PDZRN4: variants seen among roughly 807,000 people sequenced by gnomAD.
PDZRN4 encodes the protein PDZ domain containing ring finger 4.
PDZRN4 carries 70 observed loss-of-function variants against 99.0 expected under a neutral mutation model. The observed-to-expected ratio is 0.71, with a 90% CI of 0.58 to 0.86. The LOEUF is 0.86. Among genes scored for constraint, PDZRN4 ranks in the 40% least tolerant of loss-of-function variants. The pLI is 0.00. For synonymous variants in PDZRN4, 551 were observed against 501.6 expected, an observed-to-expected ratio of 1.10 and a Z score of -1.32; for missense variants, 1,474 against 1,331.2, an observed-to-expected ratio of 1.11 and a Z score of -1.67.
intron 3 of PDZRN4, among the ~76,000 whole-genome samples, chr12:41,470,666 A>G (rs12316362): frequency 0.01 from 1,537 of 152,066 alleles, 27 homozygotes; most frequent in African/African-American, 0.035. Context: ...GCCACCCCAC[A>G]ACCGTCCCCG....
chr12:41,199,170 G>A (rs1428573288), intron 3 of PDZRN4, among the ~76,000 whole-genome samples: 1 of 152,126 alleles, frequency 6.6e-6, no homozygotes, highest in Non-Finnish European at 1.5e-5. Flanking sequence ...ATTTTTTGAT[G>A]CATAAGAAGC....
chr12:41,340,639 C>A (rs983614859), intron 3 of PDZRN4, among the ~76,000 whole-genome samples: 9 of 151,542 alleles, frequency 5.9e-5, no homozygotes, highest in Non-Finnish European at 1.2e-4. Flanking sequence ...AAGGATACCC[C>A]CTTTACCCTG....
chr12:41,411,920 G>C (rs1027979560), intron 3 of PDZRN4: 2 of 152,184 alleles, frequency 1.3e-5, no homozygotes, highest in Admixed American at 6.6e-5. Flanking sequence ...AAAGGTTAGA[G>C]AAGAGGGCCA....
At chr12:41,540,863 C>CGTTGTT (rs747322893) in intron 5 of PDZRN4, among the ~76,000 whole-genome samples, 14 of 115,754 alleles carry the variant, frequency 1.2e-4, no homozygotes, top group African/African-American at 3.5e-4. Context: ...CCCTTTTCTT[C>CGTTGTT]GTTGTTGTTG....
intron 3 of PDZRN4, among the ~76,000 whole-genome samples, chr12:41,419,444 A>G (rs912927731): frequency 6.6e-6 from 1 of 152,174 alleles, no homozygotes; most frequent in Non-Finnish European, 1.5e-5. Flanking sequence ...ACACTAGCCA[A>G]TCTTGGGAGA....
At chr12:41,290,683 A>G (rs1394582222) in intron 3 of PDZRN4, among the ~76,000 whole-genome samples, 8 of 152,126 alleles carry the variant, frequency 5.3e-5, no homozygotes, top group Admixed American at 5.2e-4. Context: ...ACCATGACTA[A>G]ATCTATGAGG....
intron 3 of PDZRN4, among the ~76,000 whole-genome samples, chr12:41,300,770 A>G (rs1308853319): frequency 6.6e-6 from 1 of 151,976 alleles, no homozygotes; most frequent in Non-Finnish European, 1.5e-5. Flanking sequence ...TAGTTTTACA[A>G]TATAACTTTG....
chr12:41,438,027 C>A, intron 3 of PDZRN4: 1 of 1,613,048 alleles, frequency 6.2e-7, no homozygotes, highest in East Asian at 2.2e-5. Flanking sequence ...AGTGCAGGGT[C>A]TGATACCAGC....
intron 3 of PDZRN4, among the ~76,000 whole-genome samples, chr12:41,203,111 T>C (rs76735602): frequency 1.7e-3 from 258 of 152,016 alleles, no homozygotes; most frequent in African/African-American, 5.9e-3. Context: ...CATATTTAAA[T>C]GATAATAGGC....
rs79144247 is a variant in PDZRN4 at position 41,502,522 on chromosome 12, A to G, written c.844-3934A>G. 6.4e-3 allele frequency among the ~76,000 whole-genome samples: 975 copies of G among 152,162 alleles called. 41 individuals are homozygous for G. In the East Asian group the frequency reaches 0.12, roughly 19 times the overall value. On this transcript the variant is annotated intron_variant, in intron 3 of 9. Transcript: ENST00000402685. The stretch of plus-strand genomic sequence containing the variant: ...AAGTTACCTTGCACCCTCTTCCCTC[A>G]GTTTTGCTCCTAACCATATTCATAT...
intron 3 of PDZRN4, among the ~76,000 whole-genome samples, chr12:41,440,988 CTGAG>C (rs1307617897): frequency 1.3e-5 from 2 of 152,186 alleles, no homozygotes; most frequent in East Asian, 1.9e-4. Context: ...AGATTTATTT[CTGAG>C]TAAGATTATA....
chr12:41,531,016 G>A (rs1416635673), intron 5 of PDZRN4, among the ~76,000 whole-genome samples: 1 of 151,990 alleles, frequency 6.6e-6, no homozygotes, highest in African/African-American at 2.4e-5. Flanking sequence ...AGCTCCTGAA[G>A]CCCCAGTGGG....
At chr12:41,537,892 G>A (rs1162727777) in intron 5 of PDZRN4, among the ~76,000 whole-genome samples, 2 of 152,098 alleles carry the variant, frequency 1.3e-5, no homozygotes, top group Non-Finnish European at 2.9e-5. Context: ...AGACCAACCC[G>A]CTCATGTGGA....
At chr12:41,540,537 A>T (rs1377438148) in intron 5 of PDZRN4, among the ~76,000 whole-genome samples, 1 of 152,230 alleles carries the variant, frequency 6.6e-6, no homozygotes, top group African/African-American at 2.4e-5. Context: ...TCTACCTATG[A>T]AGAAAACAGT....
rs576488689 is a variant in PDZRN4, at chr12:41,533,057, T to C, written c.1204-19599T>C. Among the ~76,000 whole-genome samples, 456 of 152,330 alleles carry C rather than the reference T, an allele frequency of 3.0e-3. 1 individual carries two copies. Among genetic ancestry groups the C allele is most frequent in the South Asian group, 3.9e-3 (19 of 4,828 alleles). ...GATCTATCAATTACCATTATGTTAA[T>C]AGATTTGTCAAAGTCTACTTCTAAT... On this transcript the variant is annotated intron_variant, in intron 5 of 9. Transcript: ENST00000402685.
intron 5 of PDZRN4, among the ~76,000 whole-genome samples, chr12:41,520,060 T>C (rs1938468248): frequency 6.6e-6 from 1 of 152,146 alleles, no homozygotes; most frequent in Non-Finnish European, 1.5e-5. Context: ...GTTCTTGCTT[T>C]CCTCTGCCTA....
At chr12:41,541,686 C>T (rs1938859309) in intron 5 of PDZRN4, among the ~76,000 whole-genome samples, 1 of 152,092 alleles carries the variant, frequency 6.6e-6, no homozygotes, top group African/African-American at 2.4e-5. Context: ...ACCTCCTGAC[C>T]TCATGATCCG....
intron 3 of PDZRN4, among the ~76,000 whole-genome samples, chr12:41,252,367 T>C (rs552093808): frequency 1.6e-4 from 25 of 152,276 alleles, no homozygotes; most frequent in African/African-American, 5.3e-4. Context: ...CAAAATGGAA[T>C]GACCACTGAT....
At chr12:41,304,288 A>G (rs1285473332) in intron 3 of PDZRN4, among the ~76,000 whole-genome samples, 2 of 152,196 alleles carry the variant, frequency 1.3e-5, no homozygotes, top group African/African-American at 4.8e-5. Flanking sequence ...AGTCACCGGA[A>G]TAATAGGTAT....
Sources: allele counts gnomAD v4.1 joint callset (sites outside exome capture counted in the v4.1 genomes callset), GRCh38; gene constraint gnomAD v4.1.1; transcripts MANE v1.5; gene names NCBI Gene and HGNC (gene_info 2026-07-23, HGNC 2026-07-21).